ZBTB20: variants seen among roughly 807,000 people sequenced by gnomAD.
The protein encoded by ZBTB20 is zinc finger and BTB domain-containing protein 20.
A neutral mutation model predicts 56.9 loss-of-function variants in ZBTB20; 9 were observed. That is an observed-to-expected ratio of 0.16 (90% CI 0.10 to 0.28). ZBTB20 has a LOEUF of 0.28. Ranked by LOEUF, ZBTB20 falls within the 10% of genes least tolerant of loss-of-function variation. ZBTB20 has a pLI of 1.00. For synonymous variants in ZBTB20, 417 were observed against 420.7 expected, an observed-to-expected ratio of 0.99 and a Z score of 0.11; for missense variants, 655 against 1,003.0, an observed-to-expected ratio of 0.65 and a Z score of 4.69.
chr3:114,734,592 T>C (rs536725402), intron 5 of ZBTB20, among the ~76,000 whole-genome samples: 16 of 152,230 alleles, frequency 1.1e-4, no homozygotes, highest in African/African-American at 3.6e-4. Flanking sequence ...AAATTTTGGG[T>C]CACAGAAACA....
At chr3:114,859,716 G>A (rs1434115135) in intron 4 of ZBTB20, among the ~76,000 whole-genome samples, 1 of 151,836 alleles carries the variant, frequency 6.6e-6, no homozygotes, top group African/African-American at 2.4e-5. Flanking sequence ...GACTGCAATA[G>A]CTAGTGAAGA....
At chr3:114,475,442 T>G (rs756344597) in intron 7 of ZBTB20, among the ~76,000 whole-genome samples, 1 of 152,168 alleles carries the variant, frequency 6.6e-6, no homozygotes, top group Non-Finnish European at 1.5e-5. Flanking sequence ...CTGTGTATCC[T>G]CTCCAGTGCC....
intron 6 of ZBTB20, among the ~76,000 whole-genome samples, chr3:114,690,584 A>C (rs2062639815): frequency 6.6e-6 from 1 of 152,168 alleles, no homozygotes; most frequent in African/African-American, 2.4e-5. Context: ...AGAGGGTTCT[A>C]AATATTTTTA....
At chr3:114,890,154 T>C (rs1170702657) in intron 4 of ZBTB20, among the ~76,000 whole-genome samples, 1 of 152,194 alleles carries the variant, frequency 6.6e-6, no homozygotes, top group Non-Finnish European at 1.5e-5. Flanking sequence ...CAGAGATATG[T>C]ATTAACAGTA....
At chr3:115,134,071 TTA>T (rs2084587552) in intron 1 of ZBTB20, among the ~76,000 whole-genome samples, 1 of 152,236 alleles carries the variant, frequency 6.6e-6, no homozygotes, top group South Asian at 2.1e-4. Context: ...CTATCTTGTA[TTA>T]TTCTTTATAC....
chr3:114,787,368 T>TACACAC (rs1300106922), intron 5 of ZBTB20, among the ~76,000 whole-genome samples: 54 of 106,270 alleles, frequency 5.1e-4, no homozygotes, highest in African/African-American at 2.3e-3. Context: ...TATATATATA[T>TACACAC]ACACACACAC....
chr3:114,557,700 T>A (rs1289294785), intron 6 of ZBTB20, among the ~76,000 whole-genome samples: 1 of 151,970 alleles, frequency 6.6e-6, no homozygotes, highest in Non-Finnish European at 1.5e-5. Flanking sequence ...AGGCTCCCAC[T>A]CCTTGCCTTC....
At chr3:114,772,350 A>T (rs1253377556) in intron 5 of ZBTB20, among the ~76,000 whole-genome samples, 1 of 152,082 alleles carries the variant, frequency 6.6e-6, no homozygotes, top group African/African-American at 2.4e-5. Flanking sequence ...AAAAAAATAA[A>T]ATAAAATAAA....
intron 4 of ZBTB20, among the ~76,000 whole-genome samples, chr3:114,867,592 C>T (rs193109562): frequency 2.2e-4 from 34 of 152,214 alleles, no homozygotes; most frequent in African/African-American, 7.0e-4. Flanking sequence ...CACCCCACCA[C>T]GCCCGGCTAA....
chr3:114,506,106 T>C (rs984061516), intron 6 of ZBTB20, among the ~76,000 whole-genome samples: 4 of 152,124 alleles, frequency 2.6e-5, no homozygotes, highest in East Asian at 1.9e-4. Flanking sequence ...AGAAGAAGAC[T>C]ATAAATGCCA....
intron 6 of ZBTB20, among the ~76,000 whole-genome samples, chr3:114,555,081 T>C (rs961635777): frequency 1.3e-5 from 2 of 152,134 alleles, no homozygotes; most frequent in African/African-American, 4.8e-5. Flanking sequence ...GGCCTGGACT[T>C]TTCTTATACT....
In ZBTB20 at chr3:114,663,602, TAA is replaced by T. The variant is rs1222888977; in HGVS notation, c.-295+29924_-295+29925del. On this transcript the variant is annotated intron_variant, in intron 6 of 11. Transcript: ENST00000675478. ...AAAAGACACAGACTGGCAAGTTGGA[TAA>T]AGAGTCAAGACCCATCAGTGTGCTA... is the stretch of plus-strand genomic sequence containing the variant. Among the ~76,000 whole-genome samples, 5 of 151,612 alleles carry T rather than the reference TAA, an allele frequency of 3.3e-5. No individual in the cohort carries two copies. The South Asian group carries it at 1.0e-3, about 32-fold the overall frequency.
At chr3:115,072,954 TATGAG>T (rs2082463228) in intron 1 of ZBTB20, among the ~76,000 whole-genome samples, 1 of 152,174 alleles carries the variant, frequency 6.6e-6, no homozygotes, top group African/African-American at 2.4e-5. Flanking sequence ...ATATCTGTCT[TATGAG>T]ATTGTTGTGA....
chr3:114,852,901 G>A (rs1197396340), intron 4 of ZBTB20, among the ~76,000 whole-genome samples: 1 of 152,058 alleles, frequency 6.6e-6, no homozygotes, highest in South Asian at 2.1e-4. Context: ...TCACCAACTC[G>A]ACCGTGCACA....
intron 10 of ZBTB20, among the ~76,000 whole-genome samples, chr3:114,365,428 C>CT (rs2082295926): frequency 6.6e-6 from 1 of 152,194 alleles, no homozygotes; most frequent in Non-Finnish European, 1.5e-5. Flanking sequence ...ATGCCAAGCT[C>CT]TTGTTTCCCT....
intron 6 of ZBTB20, among the ~76,000 whole-genome samples, chr3:114,573,198 G>A (rs1047501724): frequency 6.6e-6 from 1 of 152,198 alleles, no homozygotes; most frequent in South Asian, 2.1e-4. Flanking sequence ...AGTGGCTCAC[G>A]CCTGTAATTC....
At chr3:114,416,036 A>C (rs1395670259) in intron 7 of ZBTB20, among the ~76,000 whole-genome samples, 1 of 152,072 alleles carries the variant, frequency 6.6e-6, no homozygotes, top group Non-Finnish European at 1.5e-5. Flanking sequence ...GAAAAACAGA[A>C]GTCTGCTTCC....
At chr3:114,834,820 C>T (rs912603110) in intron 4 of ZBTB20, among the ~76,000 whole-genome samples, 10 of 152,036 alleles carry the variant, frequency 6.6e-5, no homozygotes, top group African/African-American at 2.4e-4. Flanking sequence ...GTCGTTATCA[C>T]ATTGAAAAGA....
chr3:114,936,615 A>C (rs1362091078), intron 3 of ZBTB20, among the ~76,000 whole-genome samples: 1 of 152,248 alleles, frequency 6.6e-6, no homozygotes, highest in Non-Finnish European at 1.5e-5. Flanking sequence ...ATTTTAATAG[A>C]TATAAATGGA....
Sources: gnomAD v4.1 joint callset for allele counts (sites outside exome capture counted in the v4.1 genomes callset) on GRCh38, gnomAD v4.1.1 for gene constraint, MANE v1.5 for transcripts, NCBI Gene and HGNC (gene_info 2026-07-23, HGNC 2026-07-21) for gene names.